Variants in PCNX2 observed in about 807,000 individuals in gnomAD.
The protein encoded by PCNX2 is pecanex-like protein 2.
PCNX2 carries 168 observed loss-of-function variants against 223.8 expected under a neutral mutation model. The observed-to-expected ratio is 0.75, with a 90% confidence interval of 0.66 to 0.85. The LOEUF (loss-of-function observed/expected upper bound fraction) is 0.85, where lower values mean the gene tolerates loss of function less well. PCNX2 is among the 40% of genes least tolerant of loss of function. PCNX2 has a pLI of 0.00. For missense variants in PCNX2, 2,507 were observed against 2,675.5 expected (o/e 0.94, Z 1.39); for synonymous variants, 1,006 against 1,052.6 (o/e 0.96, Z 0.86).
At position 233,126,939 on chromosome 1, in the gene PCNX2, C is replaced by G. The variant is rs1207336860; in HGVS notation, c.3837+8074G>C. On this transcript the variant is annotated intron_variant, in intron 21 of 33. Transcript: ENST00000258229. The surrounding 1 kb of genome is among the most constrained non-coding windows in gnomAD (Gnocchi z 4.8). Reference sequence around the variant, plus strand: ...AGGTGGCTTTCACCTGCACTGCACTCTCCCCCGTATCTATCTGATCACTAA... The same window carrying G: ...AGGTGGCTTTCACCTGCACTGCACTGTCCCCCGTATCTATCTGATCACTAA... 1.3e-5 allele frequency among the ~76,000 whole-genome samples: 2 copies of G among 151,924 alleles called. No homozygotes were observed. Among genetic ancestry groups the G allele is most frequent in the Admixed American group, 1.3e-4 (2 of 15,260 alleles).
chr1:233,260,426 C>A (rs1016508460), intron 4 of PCNX2, among the ~76,000 whole-genome samples: 1 of 152,102 alleles, frequency 6.6e-6, no homozygotes, highest in African/African-American at 2.4e-5. Flanking sequence ...AAGGTATGTG[C>A]TTGTATATGT....
At chr1:233,155,554 A>G (rs904307187) in intron 19 of PCNX2, among the ~76,000 whole-genome samples, 1 of 152,184 alleles carries the variant, frequency 6.6e-6, no homozygotes, top group Non-Finnish European at 1.5e-5. Flanking sequence ...TCCTTGTCTC[A>G]ATCTCTTTTA....
intron 13 of PCNX2, 115 bp downstream of exon 13, chr1:233,208,403 A>C: frequency 1.3e-5 from 14 of 1,110,656 alleles, no homozygotes; most frequent in Non-Finnish European, 1.6e-5. Context: ...GCCAAGAGGA[A>C]AGTGCACATC....
intron 12 of PCNX2, among the ~76,000 whole-genome samples, chr1:233,217,575 A>T (rs1431305716): frequency 6.6e-6 from 1 of 152,136 alleles, no homozygotes; most frequent in Non-Finnish European, 1.5e-5. Flanking sequence ...GGACACAAAG[A>T]CAGGCAGTCT....
chr1:233,226,742 T>G (rs1657747803), intron 10 of PCNX2, among the ~76,000 whole-genome samples: 1 of 152,130 alleles, frequency 6.6e-6, no homozygotes, highest in South Asian at 2.1e-4. Flanking sequence ...CAGATACAAG[T>G]GAGCAATAAG....
intron 1 of PCNX2, among the ~76,000 whole-genome samples, chr1:233,273,449 G>T (rs929510313): frequency 3.9e-5 from 6 of 152,046 alleles, no homozygotes; most frequent in African/African-American, 1.2e-4. Context: ...TGCCCAGTCT[G>T]CTAGTCAGCA....
intron 1 of PCNX2, among the ~76,000 whole-genome samples, chr1:233,281,874 T>C (rs1661210313): frequency 6.6e-6 from 1 of 152,196 alleles, no homozygotes; most frequent in Non-Finnish European, 1.5e-5. Context: ...TTATCTGCTA[T>C]GTATAAAGCA....
chr1:233,159,165 C>T (rs1678312096), intron 19 of PCNX2, among the ~76,000 whole-genome samples: 1 of 152,132 alleles, frequency 6.6e-6, no homozygotes. Flanking sequence ...CACTTCTAAA[C>T]CCCAGCAGCC....
At chr1:233,066,046 A>G (rs942419491) in intron 23 of PCNX2, among the ~76,000 whole-genome samples, 1 of 151,868 alleles carries the variant, frequency 6.6e-6, no homozygotes, top group Non-Finnish European at 1.5e-5. Context: ...GCCCATAAAA[A>G]CCCTGGACTC....
intron 21 of PCNX2, among the ~76,000 whole-genome samples, chr1:233,124,802 A>G (rs1045650639): frequency 7.9e-5 from 12 of 152,254 alleles, no homozygotes; most frequent in Non-Finnish European, 1.6e-4. Flanking sequence ...CTGCAAGGGC[A>G]GTAGACTAAA....
intron 19 of PCNX2, among the ~76,000 whole-genome samples, chr1:233,153,084 A>G (rs1040125696): frequency 9.9e-5 from 15 of 152,240 alleles, no homozygotes; most frequent in African/African-American, 3.6e-4. Flanking sequence ...AAAGACGAAG[A>G]GTCAAAAAAC....
Position 233,017,001 on chromosome 1 carries a change from A to T in PCNX2, c.4759T>A (p.Cys1587Ser), listed in dbSNP as rs767665261. The T allele has an allele frequency of 3.1e-6, 5 of 1,614,012 alleles. No individual in the cohort carries two copies. Among genetic ancestry groups the T allele is most frequent in the Non-Finnish European group, 4.2e-6 (5 of 1,179,880 alleles). Residue 1587 changes from cysteine to serine, a missense_variant, in exon 27 of 34, where the codon TGT (cysteine) becomes AGT (serine). Coordinates refer to ENST00000258229, the MANE Select transcript of PCNX2 (RefSeq NM_014801.4). ...CTAGCTCGTGTGATCCCCTGGAGAC[A>T]CGGGACGTAGTCATCATCAATGTTA... Reference protein sequence around the residue: ...NINIDDDYVPCLQGITRASFC... With the variant: ...NINIDDDYVPSLQGITRASFC...
At chr1:233,305,102 T>A in the PCNX2 span, among the ~76,000 whole-genome samples, 1 of 152,190 alleles carries the variant, frequency 6.6e-6, no homozygotes, top group Non-Finnish European at 1.5e-5. Flanking sequence ...AAAACAATGA[T>A]AATAATAACA....
chr1:233,109,380 G>A (rs1357292461), intron 21 of PCNX2, among the ~76,000 whole-genome samples: 1 of 152,144 alleles, frequency 6.6e-6, no homozygotes, highest in East Asian at 1.9e-4. Context: ...GATCTGACAG[G>A]GGATTTAAAA....
At chr1:233,187,829 C>T (rs1680191480) in intron 15 of PCNX2, among the ~76,000 whole-genome samples, 1 of 151,988 alleles carries the variant, frequency 6.6e-6, no homozygotes, top group Non-Finnish European at 1.5e-5. Flanking sequence ...TTCAGACAGC[C>T]AAAAGACTTA....
At chr1:233,081,476 T>A (rs1400199343) in intron 23 of PCNX2, among the ~76,000 whole-genome samples, 19 of 152,232 alleles carry the variant, frequency 1.2e-4, no homozygotes, top group Non-Finnish European at 2.9e-5. Context: ...CGAGGCTTCA[T>A]TCCTGTTCTT....
chr1:233,120,352 C>T (rs1180663811), intron 21 of PCNX2, among the ~76,000 whole-genome samples: 2 of 152,020 alleles, frequency 1.3e-5, no homozygotes, highest in African/African-American at 2.4e-5. Context: ...CAATATTCCA[C>T]ATCACTAACC....
intron 25 of PCNX2, among the ~76,000 whole-genome samples, chr1:233,041,709 T>C (rs373828550): frequency 6.6e-6 from 1 of 152,366 alleles, no homozygotes; most frequent in East Asian, 1.9e-4. Flanking sequence ...GTGATGACAC[T>C]GAATGGCACA....
At chr1:233,158,893 A>G (rs1678292346) in intron 19 of PCNX2, among the ~76,000 whole-genome samples, 1 of 152,236 alleles carries the variant, frequency 6.6e-6, no homozygotes, top group Admixed American at 6.5e-5. Context: ...AGGGTCCTCT[A>G]TGTATCCAGA....
Sources: gnomAD v4.1 joint callset for allele counts (sites outside exome capture counted in the v4.1 genomes callset) on GRCh38, gnomAD v4.1.1 for gene constraint, Gnocchi (gnomAD v3.1) non-coding constraint, MANE v1.5 for transcripts, NCBI Gene and HGNC (gene_info 2026-07-23, HGNC 2026-07-21) for gene names.